Variants in PMM2 observed in about 807,000 individuals in gnomAD.
PMM2 encodes the protein phosphomannomutase 2, also known as mannose-6-phosphate isomerase.
PMM2 carries 35 observed loss-of-function variants against 33.2 expected under a neutral mutation model. The observed-to-expected ratio is 1.06, with a 90% CI of 0.81 to 1.40. PMM2 has a LOEUF of 1.40. Ranked by LOEUF, PMM2 falls within the 40% of genes most tolerant of loss-of-function variation. The pLI, the probability that PMM2 is intolerant of heterozygous loss-of-function variation, is 0.00. For missense variants in PMM2, 386 were observed against 306.0 expected, an observed-to-expected ratio of 1.26 and a Z score of -1.95; for synonymous variants, 153 against 114.7, an observed-to-expected ratio of 1.33 and a Z score of -2.13.
intron 2 of PMM2, among the ~76,000 whole-genome samples, chr16:8,802,566 C>A (rs950930589): frequency 6.6e-6 from 1 of 152,170 alleles, no homozygotes; most frequent in Non-Finnish European, 1.5e-5. Flanking sequence ...CGGTGGCTCA[C>A]GCTTATAATC....
intron 4 of PMM2, 40 bp from the exon 5 acceptor site, chr16:8,811,039 A>G: frequency 8.2e-7 from 1 of 1,212,172 alleles, no homozygotes. Context: ...CAAATGAATA[A>G]CGTGTTTTTG....
chr16:8,817,388 C>T (rs1490709976), intron 7 of PMM2, among the ~76,000 whole-genome samples: 4 of 152,180 alleles, frequency 2.6e-5, no homozygotes, highest in Non-Finnish European at 5.9e-5. Flanking sequence ...TTCCTCAGTC[C>T]TTCTCTAGCT....
chr16:8,801,690 A>T, intron 1 of PMM2, 109 bp from the exon 2 acceptor site: 1 of 723,806 alleles, frequency 1.4e-6, no homozygotes, highest in Non-Finnish European at 2.2e-6. Context: ...TTTTTTCTTT[A>T]ATTTTTAAAT....
In PMM2 at chr16:8,813,857, CTTTTTTTTTTTTTTT is replaced by C. The variant is rs148507269; in HGVS notation, c.639+762_639+776del. ...CTTTGGGCCAGCTCCTTTTCTTTCTCTTTTTTTTTTTTTTTTTTTTTTTTTCTGAGACAGAGTCTC... is the reference window on the plus strand; with the variant it reads ...CTTTGGGCCAGCTCCTTTTCTTTCTCTTTTTTTTTTCTGAGACAGAGTCTC... On this transcript the variant is annotated intron_variant, in intron 7 of 7. Transcript: ENST00000268261. Among the ~76,000 whole-genome samples, 112 of 89,144 alleles carry C rather than the reference CTTTTTTTTTTTTTTT, an allele frequency of 1.3e-3. 1 individual carries two copies. The Middle Eastern group carries it at 0.034, about 27-fold the overall frequency. 58.5% of individuals were successfully genotyped at this position (89,144 alleles called of 152,430 possible).
chr16:8,846,024 C>G (rs2060923555), intron 7 of PMM2, among the ~76,000 whole-genome samples: 1 of 152,180 alleles, frequency 6.6e-6, no homozygotes, highest in Admixed American at 6.5e-5. Context: ...TCAGGTCTGT[C>G]TGAAGGCCCC....
chr16:8,802,772 A>G (rs574257405), intron 2 of PMM2, among the ~76,000 whole-genome samples: 34 of 151,798 alleles, frequency 2.2e-4, no homozygotes, highest in Non-Finnish European at 4.7e-4. Flanking sequence ...AGAGGTTGCA[A>G]TGAGCCGAGA....
At chr16:8,799,326 A>C (rs575947895) in intron 1 of PMM2, among the ~76,000 whole-genome samples, 1 of 152,050 alleles carries the variant, frequency 6.6e-6, no homozygotes, top group South Asian at 2.1e-4. Context: ...CTTTCTTCCC[A>C]GGTAGGATAG....
At chr16:8,843,471 G>A (rs934450050) in intron 7 of PMM2, among the ~76,000 whole-genome samples, 1 of 151,444 alleles carries the variant, frequency 6.6e-6, no homozygotes, top group Non-Finnish European at 1.5e-5. Context: ...CGCACAGATG[G>A]GACACGGCTT....
intron 7 of PMM2, among the ~76,000 whole-genome samples, chr16:8,844,432 C>T (rs1377120947): frequency 1.3e-5 from 2 of 151,990 alleles, no homozygotes; most frequent in Non-Finnish European, 2.9e-5. Flanking sequence ...GGGTACTTGC[C>T]TCTCCCCCAG....
rs773321451 is a variant in PMM2, at chr16:8,847,875, T to C, written c.*50T>C. The C allele has an allele frequency of 1.4e-6, 2 of 1,421,626 alleles. No individual in the cohort carries two copies. Among genetic ancestry groups the C allele is most frequent in the Non-Finnish European group, 2.0e-6 (2 of 1,011,516 alleles). The allele number at this position is 1,421,626 out of a possible 1,614,324, so 88.1% of individuals were successfully genotyped here. On this transcript the variant is annotated 3_prime_UTR_variant, in exon 8 of 8. Coordinates refer to ENST00000268261, the MANE Select transcript of PMM2 (RefSeq NM_000303.3). ...CCGGCTGACAAGCCAGCATAGGGCA[T>C]TCGGTGGCCAGAGCCGAGGGTCCTC...
Position 8,820,509 on chromosome 16 carries a change from A to G in PMM2, c.639+7403A>G, listed in dbSNP as rs564417564. Among the ~76,000 whole-genome samples, 3 of 152,146 alleles carry G rather than the reference A, an allele frequency of 2.0e-5. No homozygotes were observed. In the East Asian group the frequency reaches 5.8e-4, roughly 29 times the overall value. On this transcript the variant is annotated intron_variant, in intron 7 of 7. Transcript: ENST00000268261. The stretch of plus-strand genomic sequence containing the variant: ...GCTGGGATTACCGGTGCCCACCACC[A>G]CGCCTGGCTAATTTTTGTATTTTTA...
chr16:8,827,601 G>A (rs919545449), intron 7 of PMM2, among the ~76,000 whole-genome samples: 9 of 147,286 alleles, frequency 6.1e-5, no homozygotes, highest in Non-Finnish European at 1.3e-4. Context: ...TCACTATGTT[G>A]GCCAGGCTGG....
intron 7 of PMM2, among the ~76,000 whole-genome samples, chr16:8,845,034 C>T (rs984282512): frequency 2.6e-5 from 4 of 152,294 alleles, no homozygotes; most frequent in Admixed American, 6.5e-5. Flanking sequence ...AAATTTCATG[C>T]GCGTCCATGT....
At chr16:8,820,150 T>C (rs1276374042) in intron 7 of PMM2, among the ~76,000 whole-genome samples, 1 of 152,052 alleles carries the variant, frequency 6.6e-6, no homozygotes, top group East Asian at 1.9e-4. Flanking sequence ...TGAGCTGAGA[T>C]TGTGCCATTG....
rs145384164 is a variant in PMM2 at position 8,847,811 on chromosome 16, C to G, written c.727C>G (p.Leu243Val). ...APEDTRRICE[L>V]LFS ...TGAGGACACGCGCAGGATCTGTGAACTGCTGTTCTCCTAACGTGGGAGCGG... is the reference window on the plus strand; with the variant it reads ...TGAGGACACGCGCAGGATCTGTGAAGTGCTGTTCTCCTAACGTGGGAGCGG... The change falls in exon 8 of 8, where the codon CTG becomes GTG. Residue 243 changes from leucine to valine, a missense_variant. Physicochemically the swap from Leu to Val is conservative, Grantham distance 32. Transcript: ENST00000268261. The G allele has an allele frequency of 6.2e-7, 1 of 1,612,668 alleles. No homozygotes were observed. Among genetic ancestry groups the G allele is most frequent in the African/African-American group, 1.3e-5 (1 of 74,924 alleles).
At chr16:8,804,099 C>G (rs2060633178) in intron 2 of PMM2, among the ~76,000 whole-genome samples, 1 of 136,962 alleles carries the variant, frequency 7.3e-6, no homozygotes, top group Non-Finnish European at 1.5e-5. Flanking sequence ...AGTGCAGTGG[C>G]ACAATCTTGG....
chr16:8,804,232 G>C (rs1003574511), intron 2 of PMM2, among the ~76,000 whole-genome samples: 1 of 151,226 alleles, frequency 6.6e-6, no homozygotes, highest in East Asian at 1.9e-4. Flanking sequence ...TAGAGACGGG[G>C]GTTTCACTAT....
chr16:8,832,041 C>T (rs576413847), intron 7 of PMM2: 83 of 666,032 alleles, frequency 1.2e-4, no homozygotes, highest in East Asian at 2.7e-4. Context: ...TTGAAATTTC[C>T]GGTTCTCTAG....
At chr16:8,804,031 G>GTTTTTTTTTTTTTTTTTTTTTTTTT (rs752484926) in intron 2 of PMM2, among the ~76,000 whole-genome samples, 1 of 87,490 alleles carries the variant, frequency 1.1e-5, no homozygotes, top group African/African-American at 4.6e-5. Flanking sequence ...GGTTTTTTTT[G>GTTTTTTTTTTTTTTTTTTTTTTTTT]TTTTTTTTTT....
Sources: gnomAD v4.1 joint callset for allele counts (sites outside exome capture counted in the v4.1 genomes callset) on GRCh38, gnomAD v4.1.1 for gene constraint, MANE v1.5 for transcripts, NCBI Gene and HGNC (gene_info 2026-07-23, HGNC 2026-07-21) for gene names.